Variants in SCD5 observed in about 807,000 individuals in gnomAD.
SCD5 encodes the protein stearoyl-CoA desaturase 5.
SCD5 carries 20 observed loss-of-function variants against 30.4 expected under a neutral mutation model. The ratio of observed to expected loss-of-function variants is 0.66; its 90% CI spans 0.46 to 0.96. The LOEUF (loss-of-function observed/expected upper bound fraction) is 0.96. Ranked by LOEUF, SCD5 falls within the 40% of genes least tolerant of loss-of-function variation. The pLI is 0.00. For synonymous variants in SCD5, 173 were observed against 176.4 expected (o/e 0.98, Z 0.16); for missense variants, 381 against 443.3 (o/e 0.86, Z 1.26).
chr4:82,732,263 T>C (rs1358738342), intron 1 of SCD5, among the ~76,000 whole-genome samples: 1 of 152,084 alleles, frequency 6.6e-6, no homozygotes, highest in East Asian at 1.9e-4. Flanking sequence ...TGGCTAATTT[T>C]TGTATGTTTT....
intron 3 of SCD5, among the ~76,000 whole-genome samples, chr4:82,649,292 T>C (rs1282927228): frequency 6.6e-6 from 1 of 152,020 alleles, no homozygotes; most frequent in Non-Finnish European, 1.5e-5. Flanking sequence ...ATTTCAGGTA[T>C]GCTTAGTGAG....
chr4:82,711,168 CTGTT>C (rs1311680780), intron 1 of SCD5, among the ~76,000 whole-genome samples: 1 of 151,754 alleles, frequency 6.6e-6, no homozygotes, highest in Non-Finnish European at 1.5e-5. Flanking sequence ...ATGCCATGCT[CTGTT>C]TCTGAAAAGA....
At chr4:82,712,691 A>C (rs1720138219) in intron 1 of SCD5, among the ~76,000 whole-genome samples, 1 of 152,206 alleles carries the variant, frequency 6.6e-6, no homozygotes, top group Non-Finnish European at 1.5e-5. Context: ...TTCTCTGACC[A>C]GCCAGATCAG....
intron 1 of SCD5, among the ~76,000 whole-genome samples, chr4:82,789,421 T>C (rs1722054394): frequency 6.6e-6 from 1 of 152,200 alleles, no homozygotes; most frequent in Non-Finnish European, 1.5e-5. Context: ...TGAACTTGTG[T>C]GCAGATGAAT....
intron 1 of SCD5, among the ~76,000 whole-genome samples, chr4:82,750,549 G>A (rs963199075): frequency 1.3e-5 from 2 of 151,852 alleles, no homozygotes; most frequent in Admixed American, 1.3e-4. Flanking sequence ...GAGAAAAAAT[G>A]TTCTTCAAGA....
At chr4:82,727,789 C>A (rs548147925) in intron 1 of SCD5, among the ~76,000 whole-genome samples, 3 of 152,306 alleles carry the variant, frequency 2.0e-5, no homozygotes, top group Non-Finnish European at 2.9e-5. Flanking sequence ...TTCACTGCAA[C>A]CTCCTCCTCT....
intron 1 of SCD5, among the ~76,000 whole-genome samples, chr4:82,739,273 T>A (rs17006204): frequency 0.15 from 22,085 of 152,068 alleles, 2,851 homozygotes; most frequent in African/African-American, 0.35. Flanking sequence ...AAGGTGGAGG[T>A]CCTGGCCTGG....
chr4:82,746,230 T>C (rs1440513664), intron 1 of SCD5, among the ~76,000 whole-genome samples: 1 of 152,176 alleles, frequency 6.6e-6, no homozygotes, highest in Admixed American at 6.5e-5. Flanking sequence ...TAGAAAACTA[T>C]GGAAGCAATA....
At chr4:82,675,128 G>A (rs1471842173) in intron 3 of SCD5, among the ~76,000 whole-genome samples, 2 of 152,288 alleles carry the variant, frequency 1.3e-5, no homozygotes, top group East Asian at 3.9e-4. Flanking sequence ...TGGACTTTGG[G>A]TGACAGTGAC....
At chr4:82,774,993 G>A (rs550996047) in intron 1 of SCD5, among the ~76,000 whole-genome samples, 32 of 152,244 alleles carry the variant, frequency 2.1e-4, no homozygotes, top group African/African-American at 7.5e-4. Flanking sequence ...TCTTTCCTCT[G>A]GCATGTTCCA....
intron 1 of SCD5, among the ~76,000 whole-genome samples, chr4:82,755,503 A>G (rs900698914): frequency 2.6e-5 from 4 of 152,180 alleles, no homozygotes; most frequent in Non-Finnish European, 5.9e-5. Context: ...GTCTCAAAAA[A>G]CAGAAAAGAA....
intron 1 of SCD5, among the ~76,000 whole-genome samples, chr4:82,717,776 T>A (rs1720260410): frequency 6.6e-6 from 1 of 151,296 alleles, no homozygotes; most frequent in Admixed American, 6.6e-5. Context: ...ATTAGCCAGG[T>A]GTGATGGTAC....
intron 3 of SCD5, among the ~76,000 whole-genome samples, chr4:82,646,830 T>C (rs980079937): frequency 9.2e-5 from 14 of 152,250 alleles, no homozygotes; most frequent in African/African-American, 2.9e-4. Flanking sequence ...TTTGGCTTTT[T>C]TCCCCCTTTT....
intron 3 of SCD5, among the ~76,000 whole-genome samples, chr4:82,640,476 G>A (rs930378366): frequency 8.5e-5 from 13 of 152,178 alleles, no homozygotes; most frequent in African/African-American, 2.9e-4. Context: ...CCCTGTAATC[G>A]GCTAGGATTC....
In SCD5 at chr4:82,630,898, C is replaced by G. The variant is rs1220838043; in HGVS notation, c.*429G>C. On this transcript the variant is annotated 3_prime_UTR_variant, in exon 5 of 5. Transcript: ENST00000319540. ...CCGAGGCGGGTGGATTGCCTGAGGT[C>G]AGGAATTCGAGGCCAGTCTGGCCAA... The G allele has an allele frequency of 6.5e-6, 1 of 152,788 alleles. No individual in the cohort carries two copies. The highest frequency in any genetic ancestry group is 1.9e-4 in the East Asian group (1 of 5,190). The allele number at this position is 152,788 out of a possible 1,614,324, so 9.5% of individuals were successfully genotyped here.
At chr4:82,788,854 A>C (rs1722041140) in intron 1 of SCD5, among the ~76,000 whole-genome samples, 1 of 152,242 alleles carries the variant, frequency 6.6e-6, no homozygotes. Context: ...CCACCTTGTA[A>C]CCATGAGGAA....
At chr4:82,719,400 T>C (rs964460439) in intron 1 of SCD5, among the ~76,000 whole-genome samples, 3 of 151,786 alleles carry the variant, frequency 2.0e-5, no homozygotes, top group Non-Finnish European at 4.4e-5. Flanking sequence ...GCCCACAATA[T>C]GTTTTCTTCA....
rs981182519 is a variant in SCD5, at chr4:82,790,105, G to A, written c.232+8201C>T. Among the ~76,000 whole-genome samples, 3 of 152,264 alleles carry A rather than the reference G, an allele frequency of 2.0e-5. No homozygotes were observed. The South Asian group carries it at 6.2e-4, about 32-fold the overall frequency. On this transcript the variant is annotated intron_variant, in intron 1 of 4. Transcript: ENST00000319540. Reference sequence around the variant, plus strand: ...AGCCCCACTTCAAGCCCACTAAAGAGTCAGGGACACTGGCACCCAATGAGA... The same window carrying A: ...AGCCCCACTTCAAGCCCACTAAAGAATCAGGGACACTGGCACCCAATGAGA...
intron 1 of SCD5, among the ~76,000 whole-genome samples, chr4:82,718,071 C>A (rs1401651418): frequency 3.1e-5 from 3 of 96,492 alleles, no homozygotes; most frequent in African/African-American, 2.1e-4. Flanking sequence ...GTCATTATCA[C>A]CTTTTTTTTT....
Sources: gnomAD v4.1 joint callset for allele counts (sites outside exome capture counted in the v4.1 genomes callset) on GRCh38, gnomAD v4.1.1 for gene constraint, MANE v1.5 for transcripts, NCBI Gene and HGNC (gene_info 2026-07-23, HGNC 2026-07-21) for gene names.